The following GRAMD2B variants were observed in gnomAD, a reference collection of about 807,000 sequenced individuals.
GRAMD2B encodes GRAM domain-containing protein 2B.
In GRAMD2B, 41 loss-of-function variants were observed where a neutral mutation model predicts 59.2. The ratio of observed to expected loss-of-function variants is 0.69; its 90% CI spans 0.54 to 0.90. The LOEUF (loss-of-function observed/expected upper bound fraction) is 0.90, where lower values mean the gene tolerates loss of function less well. Among genes scored for constraint, GRAMD2B ranks in the 40% least tolerant of loss-of-function variants. GRAMD2B has a pLI of 0.00. For synonymous variants in GRAMD2B, 161 were observed against 182.7 expected (o/e 0.88, Z 0.96); for missense variants, 424 against 500.5 (o/e 0.85, Z 1.46).
chr5:126,465,008 T>C (rs1332207462), intron 1 of GRAMD2B: 1 of 976,828 alleles, frequency 1.0e-6, no homozygotes, highest in Admixed American at 5.7e-5. Flanking sequence ...ATAAGAGAAA[T>C]GCAAACAAAA....
rs1754892496 is a variant in GRAMD2B, at chr5:126,372,965, A to G, written c.125+1398A>G. ...AAAACAAATACAAAATACATAAAGTATAATTGAAACAAAATAAATGTTTTC... is the reference window on the plus strand; with the variant it reads ...AAAACAAATACAAAATACATAAAGTGTAATTGAAACAAAATAAATGTTTTC... On this transcript the variant is annotated intron_variant, in intron 1 of 8. Transcript: ENST00000506445. Among the ~76,000 whole-genome samples the G allele has an allele frequency of 2.0e-5, 3 of 152,316 alleles. No homozygotes were observed. The South Asian group carries it at 6.2e-4, about 32-fold the overall frequency.
intron 1 of GRAMD2B, among the ~76,000 whole-genome samples, chr5:126,383,421 C>G (rs1336137753): frequency 6.6e-6 from 1 of 152,174 alleles, no homozygotes; most frequent in Non-Finnish European, 1.5e-5. Flanking sequence ...TGCCAAGAAG[C>G]ACATAAGTGA....
intron 1 of GRAMD2B, among the ~76,000 whole-genome samples, chr5:126,391,198 A>G (rs1463727095): frequency 6.6e-6 from 1 of 151,766 alleles, no homozygotes; most frequent in Non-Finnish European, 1.5e-5. Flanking sequence ...AAAATGAGCC[A>G]GGCGTAATGG....
At chr5:126,382,443 C>T (rs1312440691) in intron 1 of GRAMD2B, among the ~76,000 whole-genome samples, 6 of 152,030 alleles carry the variant, frequency 3.9e-5, no homozygotes, top group Admixed American at 6.6e-5. Flanking sequence ...CTTGTCTTCA[C>T]GTTCTGAAGC....
intron 1 of GRAMD2B, among the ~76,000 whole-genome samples, chr5:126,383,972 G>T (rs1308676685): frequency 6.6e-6 from 1 of 152,058 alleles, no homozygotes; most frequent in Non-Finnish European, 1.5e-5. Flanking sequence ...TCTAATGCTG[G>T]TTGTGACTGT....
intron 6 of GRAMD2B, 80 bp from the exon 7 acceptor site, chr5:126,480,376 T>C: frequency 1.0e-6 from 1 of 974,764 alleles, no homozygotes; most frequent in Non-Finnish European, 1.6e-6. Context: ...AAAAGCTGTA[T>C]ACAGATACTT....
intron 1 of GRAMD2B, among the ~76,000 whole-genome samples, chr5:126,442,796 G>T (rs1393362116): frequency 6.6e-6 from 1 of 151,764 alleles, no homozygotes; most frequent in African/African-American, 2.4e-5. Flanking sequence ...TAAAATCTAT[G>T]ATTCTACAAA....
chr5:126,424,152 G>A (rs1413221554), intron 1 of GRAMD2B, among the ~76,000 whole-genome samples: 1 of 152,180 alleles, frequency 6.6e-6, no homozygotes, highest in East Asian at 1.9e-4. Flanking sequence ...GATGGGGGAG[G>A]CACAAATGAA....
At chr5:126,425,396 C>T (rs763544715) in intron 1 of GRAMD2B, among the ~76,000 whole-genome samples, 4 of 152,150 alleles carry the variant, frequency 2.6e-5, no homozygotes, top group Admixed American at 6.5e-5. Flanking sequence ...ACCTAGAGGA[C>T]GTATGTTAGA....
At chr5:126,473,066 G>GCC (rs370348698) in intron 4 of GRAMD2B, among the ~76,000 whole-genome samples, 199 bp from the exon 5 acceptor site, 93 of 152,282 alleles carry the variant, frequency 6.1e-4, no homozygotes, top group African/African-American at 2.1e-3. Context: ...TATTTATACT[G>GCC]AAGTTGGTAA....
At chr5:126,391,268 G>A (rs762082325) in intron 1 of GRAMD2B, among the ~76,000 whole-genome samples, 2 of 137,106 alleles carry the variant, frequency 1.5e-5, no homozygotes, top group Non-Finnish European at 3.1e-5. Flanking sequence ...TTGAACCCAG[G>A]AGGATTGTGC....
intron 1 of GRAMD2B, among the ~76,000 whole-genome samples, chr5:126,407,702 A>G (rs1245724349): frequency 6.6e-6 from 1 of 152,020 alleles, no homozygotes; most frequent in Non-Finnish European, 1.5e-5. Flanking sequence ...AGCACGTGTC[A>G]TAATACTCCA....
chr5:126,479,437 A>G (rs187358065), intron 6 of GRAMD2B, among the ~76,000 whole-genome samples: 12 of 152,314 alleles, frequency 7.9e-5, no homozygotes. Context: ...AAATATGTTA[A>G]TATCTATTTG....
chr5:126,382,249 A>G (rs1755718927), intron 1 of GRAMD2B, among the ~76,000 whole-genome samples: 2 of 152,216 alleles, frequency 1.3e-5, no homozygotes, highest in Admixed American at 1.3e-4. Context: ...TAGCAAGGCC[A>G]GGAAAGTTTT....
At chr5:126,432,342 A>G (rs1761713163) in intron 1 of GRAMD2B, among the ~76,000 whole-genome samples, 1 of 152,242 alleles carries the variant, frequency 6.6e-6, no homozygotes. Context: ...CAACTTGTGC[A>G]GTAAGTTAAA....
intron 1 of GRAMD2B, among the ~76,000 whole-genome samples, chr5:126,435,141 G>T (rs7704203): frequency 0.14 from 22,028 of 152,154 alleles, 3,553 homozygotes; most frequent in African/African-American, 0.4. Flanking sequence ...GCTAAATGAG[G>T]TATAAGTGTT....
intron 2 of GRAMD2B, among the ~76,000 whole-genome samples, chr5:126,469,414 G>T (rs1487931331): frequency 2.6e-5 from 4 of 152,300 alleles, no homozygotes; most frequent in Non-Finnish European, 5.9e-5. Context: ...AGCCGAGGCA[G>T]GTAGATTGCT....
chr5:126,491,119 T>C (rs542501774), intron 13 of GRAMD2B, among the ~76,000 whole-genome samples: 1 of 152,356 alleles, frequency 6.6e-6, no homozygotes, highest in East Asian at 1.9e-4. Flanking sequence ...ATTTGGGTTT[T>C]CCTCTGTAAA....
At chr5:126,420,452 C>T (rs374682103), upstream of GRAMD2B, among the ~76,000 whole-genome samples, 21 of 152,186 alleles carry the variant, frequency 1.4e-4, no homozygotes, top group East Asian at 9.6e-4. Context: ...CTAATTCTTC[C>T]ACTCTAGGAA....
Sources: gnomAD v4.1 joint callset for allele counts (sites outside exome capture counted in the v4.1 genomes callset) on GRCh38, gnomAD v4.1.1 for gene constraint, MANE v1.5 for transcripts, NCBI Gene and HGNC (gene_info 2026-07-23, HGNC 2026-07-21) for gene names.